NEDD4L: variants seen among roughly 807,000 people sequenced by gnomAD.
NEDD4L encodes NEDD4 like E3 ubiquitin protein ligase.
A neutral mutation model predicts 148.9 loss-of-function variants in NEDD4L; 54 were observed. That is an observed-to-expected ratio of 0.36 (90% CI 0.29 to 0.45). NEDD4L has a LOEUF of 0.45. Among genes scored for constraint, NEDD4L ranks in the 20% least tolerant of loss-of-function variants. The pLI, the probability that NEDD4L is intolerant of heterozygous loss-of-function variation, is 1.00. For missense variants in NEDD4L, 856 were observed against 1,233.8 expected (o/e 0.69, Z 4.59); for synonymous variants, 433 against 440.7 (o/e 0.98, Z 0.22).
intron 15 of NEDD4L, among the ~76,000 whole-genome samples, chr18:58,342,486 G>T (rs1401341953): frequency 6.6e-6 from 1 of 152,206 alleles, no homozygotes; most frequent in African/African-American, 2.4e-5. Flanking sequence ...AATGTCATGG[G>T]TAACAACTGT....
intron 1 of NEDD4L, among the ~76,000 whole-genome samples, chr18:58,084,649 C>T (rs1011558197): frequency 6.7e-6 from 1 of 149,384 alleles, no homozygotes. Flanking sequence ...TGGCCACCTT[C>T]TCACTATATC....
At chr18:58,263,947 C>T (rs1975145) in intron 5 of NEDD4L, among the ~76,000 whole-genome samples, 26,758 of 150,090 alleles carry the variant, frequency 0.18, 2,765 homozygotes, top group Non-Finnish European at 0.21. Context: ...ACACTGGAAA[C>T]TATCAGCATA....
At chr18:58,365,957 A>T (rs1441350340) in intron 20 of NEDD4L, 42 bp from the exon 21 acceptor site, 1 of 1,375,906 alleles carries the variant, frequency 7.3e-7, no homozygotes, top group African/African-American at 1.4e-5. Flanking sequence ...CAAAGTGTGT[A>T]TTTACTGTAT....
rs958611451 is a variant in NEDD4L, at chr18:58,351,013, A to G, written c.1676A>G (p.His559Arg). 5.6e-6 allele frequency: 9 copies of G among 1,594,470 alleles called. No individual in the cohort carries two copies. The highest frequency in any genetic ancestry group is 1.3e-5 in the African/African-American group (1 of 74,624). Residue 559 changes from histidine to arginine, a missense_variant, in exon 18 of 31, where the codon CAC becomes CGC. Physicochemically the swap from His to Arg is conservative, Grantham distance 29. This residue lies in a region of NEDD4L where 286 missense variants were observed against 531.8 expected (regional missense o/e 0.54). Transcript: ENST00000400345. Reference sequence around the variant, plus strand: ...TAGCCTGGCTGGGAAGAAAGAATTCACTTGGATGGCCGAACGTTTTATATT... The same window carrying G: ...TAGCCTGGCTGGGAAGAAAGAATTCGCTTGGATGGCCGAACGTTTTATATT... ...PLPPGWEERI[H>R]LDGRTFYIDH...
intron 24 of NEDD4L, among the ~76,000 whole-genome samples, chr18:58,379,811 G>C (rs1038890746): frequency 2.0e-5 from 3 of 152,118 alleles, no homozygotes; most frequent in African/African-American, 7.2e-5. Flanking sequence ...ACGAATCCTA[G>C]AGGGATGCAT....
chr18:58,091,533 C>G (rs1377599494), intron 1 of NEDD4L: 2 of 152,294 alleles, frequency 1.3e-5, no homozygotes, highest in Non-Finnish European at 2.9e-5. Context: ...CCAGTACCTG[C>G]TCCCTTCACT....
chr18:58,103,831 G>A (rs1440534531), intron 1 of NEDD4L, among the ~76,000 whole-genome samples: 1 of 152,190 alleles, frequency 6.6e-6, no homozygotes, highest in Non-Finnish European at 1.5e-5. Flanking sequence ...GAGAATGCAG[G>A]TTTACCACAT....
Position 58,106,947 on chromosome 18 carries a change from G to A in NEDD4L, c.49-58841G>A, listed in dbSNP as rs1355731615. Reference sequence around the variant, plus strand: ...TGCTAGGGCTGCTGTAACAACTGCAGATGGGGTGGCCAAAACCTCAGACAT... The same window carrying A: ...TGCTAGGGCTGCTGTAACAACTGCAAATGGGGTGGCCAAAACCTCAGACAT... On this transcript the variant is annotated intron_variant, in intron 1 of 30. Transcript: ENST00000400345. Among the ~76,000 whole-genome samples the A allele has an allele frequency of 3.9e-5, 6 of 152,170 alleles. No individual in the cohort carries two copies. In the East Asian group the frequency reaches 1.2e-3, roughly 29 times the overall value.
At chr18:58,202,154 G>A (rs921250328) in intron 2 of NEDD4L, among the ~76,000 whole-genome samples, 3 of 152,130 alleles carry the variant, frequency 2.0e-5, no homozygotes, top group Non-Finnish European at 4.4e-5. Context: ...AGCTCTTCAG[G>A]CCATAAACCT....
chr18:58,191,244 A>G (rs188134116), intron 2 of NEDD4L, among the ~76,000 whole-genome samples: 1 of 152,352 alleles, frequency 6.6e-6, no homozygotes, highest in East Asian at 1.9e-4. Context: ...TGTATCAATG[A>G]ATAACCCCCC....
intron 1 of NEDD4L, among the ~76,000 whole-genome samples, chr18:58,087,736 T>C (rs1462980705): frequency 6.6e-6 from 1 of 152,034 alleles, no homozygotes; most frequent in African/African-American, 2.4e-5. Flanking sequence ...TAGCTGGGTG[T>C]GGTGGTGCAT....
At chr18:58,206,066 C>T (rs530301813) in intron 2 of NEDD4L, among the ~76,000 whole-genome samples, 28 of 152,314 alleles carry the variant, frequency 1.8e-4, no homozygotes, top group Admixed American at 1.8e-3. Context: ...ATGAAAGATG[C>T]TCCCCTTTGC....
In NEDD4L at chr18:58,191,560, A is replaced by G. The variant is rs565020297; in HGVS notation, c.122+25699A>G. Among the ~76,000 whole-genome samples, 4 of 152,296 alleles carry G rather than the reference A, an allele frequency of 2.6e-5. No homozygotes were observed. In the South Asian group the frequency reaches 6.2e-4, roughly 24 times the overall value. ...TATAATAGGTAAATTGCTAAGAAAA[A>G]CATTGGCCTTGGTATGTACAACTTA... On this transcript the variant is annotated intron_variant, in intron 2 of 30. Transcript: ENST00000400345.
At chr18:58,390,233 A>AG (rs2049629017) in intron 28 of NEDD4L, 1 of 155,188 alleles carries the variant, frequency 6.4e-6, no homozygotes, top group Non-Finnish European at 1.4e-5. Context: ...TTCATTTTAT[A>AG]AAATGATGTC....
At chr18:58,079,611 G>A (rs1486775138) in intron 1 of NEDD4L, among the ~76,000 whole-genome samples, 1 of 152,206 alleles carries the variant, frequency 6.6e-6, no homozygotes, top group African/African-American at 2.4e-5. Context: ...TCTGGGCTCC[G>A]ATCACTTGGC....
At chr18:58,308,295 G>A (rs2149329828) in intron 5 of NEDD4L, among the ~76,000 whole-genome samples, 1 of 152,316 alleles carries the variant, frequency 6.6e-6, no homozygotes, top group Non-Finnish European at 1.5e-5. Flanking sequence ...GAAAGACAGT[G>A]AAGGAACAAT....
intron 1 of NEDD4L, among the ~76,000 whole-genome samples, chr18:58,127,614 C>T (rs1406078616): frequency 4.0e-5 from 6 of 151,770 alleles, no homozygotes; most frequent in Admixed American, 6.6e-5. Flanking sequence ...CCGAGGCAGG[C>T]GGATCACGAG....
intron 1 of NEDD4L, among the ~76,000 whole-genome samples, chr18:58,062,601 A>G (rs1403610052): frequency 6.6e-6 from 1 of 152,218 alleles, no homozygotes; most frequent in Non-Finnish European, 1.5e-5. Flanking sequence ...GGACCACAGC[A>G]TGGCACTAAA....
intron 5 of NEDD4L, among the ~76,000 whole-genome samples, chr18:58,283,120 G>A (rs9963386): frequency 0.038 from 5,761 of 152,046 alleles, 342 homozygotes; most frequent in African/African-American, 0.13. Context: ...CTGTCGCCCA[G>A]GCTGGAGCGC....
Sources: gnomAD v4.1 joint callset for allele counts (sites outside exome capture counted in the v4.1 genomes callset) on GRCh38, gnomAD v4.1.1 for gene constraint, gnomAD v4.1.1 regional missense constraint, MANE v1.5 for transcripts, NCBI Gene and HGNC (gene_info 2026-07-23, HGNC 2026-07-21) for gene names.